The following ANGPT1 variants were observed in gnomAD, a reference collection of about 807,000 sequenced individuals.
The protein encoded by ANGPT1 is angiopoietin-1.
ANGPT1 carries 17 observed loss-of-function variants against 62.2 expected under a neutral mutation model. The observed-to-expected ratio is 0.27, with a 90% CI of 0.19 to 0.41. The LOEUF is 0.41. Among genes scored for constraint, ANGPT1 ranks in the 10% least tolerant of loss-of-function variants. ANGPT1 has a pLI of 1.00. For synonymous variants in ANGPT1, 199 were observed against 198.9 expected, an observed-to-expected ratio of 1.00 and a Z score of 0.00; for missense variants, 478 against 594.9, an observed-to-expected ratio of 0.80 and a Z score of 2.04.
chr8:107,459,489 AAACAACAACAACAACAACAAC>A (rs139781448), intron 1 of ANGPT1, among the ~76,000 whole-genome samples: 2 of 149,960 alleles, frequency 1.3e-5, no homozygotes, highest in Non-Finnish European at 3.0e-5. Context: ...ACTCCTTATC[AAACAACAACAACAACAACAAC>A]AACAACAACA....
intron 1 of ANGPT1, among the ~76,000 whole-genome samples, chr8:107,461,943 A>G (rs1324736111): frequency 2.0e-5 from 3 of 152,166 alleles, no homozygotes; most frequent in Non-Finnish European, 4.4e-5. Context: ...AGGAAGTGTC[A>G]GTTTAGTAAA....
At chr8:107,294,097 TAC>T (rs1563554348) in intron 5 of ANGPT1, 60 bp from the exon 6 acceptor site, 2 of 1,380,460 alleles carry the variant, frequency 1.4e-6, no homozygotes, top group African/African-American at 2.9e-5. Flanking sequence ...ACATATATCC[TAC>T]ATGTTTCAAA....
At chr8:107,463,620 A>G (rs1298627542) in intron 1 of ANGPT1, among the ~76,000 whole-genome samples, 1 of 152,034 alleles carries the variant, frequency 6.6e-6, no homozygotes, top group Non-Finnish European at 1.5e-5. Flanking sequence ...TTTTATTTTT[A>G]ATAGAAACCT....
intron 1 of ANGPT1, among the ~76,000 whole-genome samples, chr8:107,364,334 G>A (rs1816229000): frequency 6.6e-6 from 1 of 152,142 alleles, no homozygotes; most frequent in South Asian, 2.1e-4. Flanking sequence ...AGGCTGAAGT[G>A]CAGTGGTGAA....
chr8:107,467,884 G>T (rs1812245666), intron 1 of ANGPT1, among the ~76,000 whole-genome samples: 3 of 152,116 alleles, frequency 2.0e-5, no homozygotes, highest in Admixed American at 2.0e-4. Context: ...ACTTTAAACA[G>T]GTCTGCTTTG....
chr8:107,371,457 T>A (rs1816409771), intron 1 of ANGPT1, among the ~76,000 whole-genome samples: 1 of 152,124 alleles, frequency 6.6e-6, no homozygotes, highest in Non-Finnish European at 1.5e-5. Context: ...AGCTTACATA[T>A]GTGTTCTGCT....
At chr8:107,334,989 C>A (rs529646947) in intron 3 of ANGPT1, among the ~76,000 whole-genome samples, 1 of 152,300 alleles carries the variant, frequency 6.6e-6, no homozygotes, top group South Asian at 2.1e-4. Context: ...AGATTCTAAA[C>A]CAACAGCCAG....
chr8:107,398,599 C>T (rs1460461019), intron 1 of ANGPT1, among the ~76,000 whole-genome samples: 1 of 146,048 alleles, frequency 6.8e-6, no homozygotes, highest in Non-Finnish European at 1.5e-5. Flanking sequence ...GCTGATGGGT[C>T]ATATAATCCT....
chr8:107,496,608 C>T (rs1480351632), intron 1 of ANGPT1, among the ~76,000 whole-genome samples: 1 of 152,158 alleles, frequency 6.6e-6, no homozygotes, highest in African/African-American at 2.4e-5. Context: ...CGTGAGCGAG[C>T]AACCCCTTTC....
intron 1 of ANGPT1, among the ~76,000 whole-genome samples, chr8:107,383,268 C>A (rs1044017193): frequency 6.6e-6 from 1 of 151,844 alleles, no homozygotes; most frequent in Admixed American, 6.6e-5. Flanking sequence ...TGGGTCTCAG[C>A]CAAAAAGAAA....
chr8:107,455,810 A>G (rs1353353835), intron 1 of ANGPT1, among the ~76,000 whole-genome samples: 2 of 152,072 alleles, frequency 1.3e-5, no homozygotes, highest in Non-Finnish European at 2.9e-5. Flanking sequence ...CAAGGCTTTT[A>G]TCTCCAAGAA....
chr8:107,350,838 C>A (rs1420499572), intron 1 of ANGPT1, among the ~76,000 whole-genome samples: 1 of 152,104 alleles, frequency 6.6e-6, no homozygotes, highest in African/African-American at 2.4e-5. Context: ...GTCAAATATA[C>A]AATGTGTGAT....
intron 1 of ANGPT1, among the ~76,000 whole-genome samples, chr8:107,363,166 A>C (rs1231751964): frequency 2.7e-5 from 4 of 150,452 alleles, no homozygotes; most frequent in African/African-American, 9.8e-5. Flanking sequence ...AATATTTCTC[A>C]TCAGTAAAGC....
chr8:107,275,302 C>T (rs752780293), intron 7 of ANGPT1, among the ~76,000 whole-genome samples: 5 of 152,100 alleles, frequency 3.3e-5, no homozygotes, highest in Non-Finnish European at 4.4e-5. Flanking sequence ...ATCATGATTG[C>T]TCATTATTAC....
chr8:107,368,388 C>A (rs938668506), intron 1 of ANGPT1, among the ~76,000 whole-genome samples: 3 of 152,054 alleles, frequency 2.0e-5, no homozygotes, highest in Non-Finnish European at 2.9e-5. Flanking sequence ...ATTTCTAGAG[C>A]ACAGGCAGAG....
chr8:107,293,616 C>T (rs1289100481), intron 6 of ANGPT1, among the ~76,000 whole-genome samples: 1 of 152,130 alleles, frequency 6.6e-6, no homozygotes, highest in Admixed American at 6.6e-5. Context: ...TGCACAGCTC[C>T]CTTGGTCAGG....
At chr8:107,372,914 G>A (rs977702123) in intron 1 of ANGPT1, among the ~76,000 whole-genome samples, 1 of 151,748 alleles carries the variant, frequency 6.6e-6, no homozygotes, top group Non-Finnish European at 1.5e-5. Flanking sequence ...CAATTTCTCT[G>A]CCTCAGTCTC....
chr8:107,339,481 G>A (rs1201070687), intron 2 of ANGPT1, among the ~76,000 whole-genome samples: 1 of 152,110 alleles, frequency 6.6e-6, no homozygotes, highest in Non-Finnish European at 1.5e-5. Context: ...CTTCCTAGAT[G>A]CATGGCTGAT....
chr8:107,474,061 G>A (rs765032592), intron 1 of ANGPT1, among the ~76,000 whole-genome samples: 1 of 152,052 alleles, frequency 6.6e-6, no homozygotes, highest in Non-Finnish European at 1.5e-5. Flanking sequence ...AACAGAAAAA[G>A]AGGGAATCCA....
Sources: gnomAD v4.1 joint callset for allele counts (sites outside exome capture counted in the v4.1 genomes callset) on GRCh38, gnomAD v4.1.1 for gene constraint, MANE v1.5 for transcripts, NCBI Gene and HGNC (gene_info 2026-07-23, HGNC 2026-07-21) for gene names.